Variants in HPSE2 observed in about 807,000 individuals in gnomAD.
HPSE2 encodes the protein inactive heparanase-2.
A neutral mutation model predicts 60.5 loss-of-function variants in HPSE2; 38 were observed. The ratio of observed to expected loss-of-function variants is 0.63; its 90% CI spans 0.48 to 0.82. The LOEUF is 0.82. Among genes scored for constraint, HPSE2 ranks in the 40% least tolerant of loss-of-function variants. The pLI is 0.00. For synonymous variants in HPSE2, 295 were observed against 293.2 expected, an observed-to-expected ratio of 1.01 and a Z score of -0.06; for missense variants, 713 against 740.4, an observed-to-expected ratio of 0.96 and a Z score of 0.43.
chr10:99,290,350 T>C, the HPSE2 span, among the ~76,000 whole-genome samples: 6 of 152,298 alleles, frequency 3.9e-5, no homozygotes, highest in Admixed American at 2.0e-4. Context: ...CCTCATACCT[T>C]GTAAGAATTG....
At chr10:98,667,085 A>C (rs1049841737) in intron 6 of HPSE2, among the ~76,000 whole-genome samples, 1 of 152,040 alleles carries the variant, frequency 6.6e-6, no homozygotes, top group Non-Finnish European at 1.5e-5. Context: ...CAAAGATGAC[A>C]TTAAAACCAA....
chr10:98,777,308 T>C (rs1376994958), intron 3 of HPSE2, among the ~76,000 whole-genome samples: 1 of 152,092 alleles, frequency 6.6e-6, no homozygotes, highest in Non-Finnish European at 1.5e-5. Flanking sequence ...TATATAGAAG[T>C]AGATAGGTAG....
chr10:98,815,583 AAAGG>A (rs1353371245), intron 3 of HPSE2, among the ~76,000 whole-genome samples: 1 of 152,184 alleles, frequency 6.6e-6, no homozygotes, highest in Admixed American at 6.5e-5. Flanking sequence ...TGGGAACCTG[AAAGG>A]ATGCAACCTA....
intron 2 of HPSE2, among the ~76,000 whole-genome samples, chr10:99,202,619 G>C (rs1848613012): frequency 6.6e-6 from 1 of 152,032 alleles, no homozygotes; most frequent in African/African-American, 2.4e-5. Context: ...TTAAATGGTG[G>C]TATTTGGAAA....
chr10:98,569,292 C>G (rs1944431915), intron 9 of HPSE2, among the ~76,000 whole-genome samples: 1 of 152,008 alleles, frequency 6.6e-6, no homozygotes, highest in African/African-American at 2.4e-5. Context: ...GACTCCTGAC[C>G]TCAGGTGATC....
chr10:98,738,927 A>T (rs1301926472), intron 4 of HPSE2, among the ~76,000 whole-genome samples: 2 of 152,208 alleles, frequency 1.3e-5, no homozygotes, highest in African/African-American at 4.8e-5. Flanking sequence ...TTCCTCAAGG[A>T]TCTAGAATTA....
intron 7 of HPSE2, among the ~76,000 whole-genome samples, chr10:98,634,747 TTAAATA>T (rs1297097155): frequency 6.6e-6 from 1 of 152,244 alleles, no homozygotes; most frequent in African/African-American, 2.4e-5. Context: ...TTGATCTTTA[TTAAATA>T]TAAACAGTCA....
intron 3 of HPSE2, among the ~76,000 whole-genome samples, chr10:98,780,342 A>G (rs1022308013): frequency 1.3e-5 from 2 of 152,200 alleles, no homozygotes; most frequent in African/African-American, 4.8e-5. Flanking sequence ...TTAAATAAAT[A>G]GCTAAATTTT....
rs569140938 is a variant in HPSE2 at position 98,813,782 on chromosome 10, C to T, written c.611-69726G>A. Among the ~76,000 whole-genome samples, 13 of 152,288 alleles carry T rather than the reference C, an allele frequency of 8.5e-5. No homozygotes were observed. The East Asian group carries it at 2.3e-3, about 27-fold the overall frequency. ...TTATGTTCATCATATCTTTAAATTGCACTCTTTCTTTCAATATGTTTTTGC... is the reference window on the plus strand; with the variant it reads ...TTATGTTCATCATATCTTTAAATTGTACTCTTTCTTTCAATATGTTTTTGC... On this transcript the variant is annotated intron_variant, in intron 3 of 11. Transcript: ENST00000370552.
chr10:99,178,590 T>A (rs1421544993), intron 2 of HPSE2, among the ~76,000 whole-genome samples: 3 of 152,114 alleles, frequency 2.0e-5, no homozygotes, highest in Non-Finnish European at 4.4e-5. Context: ...AATCCCTGAA[T>A]AGACTAATAA....
intron 3 of HPSE2, among the ~76,000 whole-genome samples, chr10:99,090,713 A>G (rs1437432159): frequency 1.3e-5 from 2 of 152,090 alleles, no homozygotes; most frequent in Non-Finnish European, 2.9e-5. Flanking sequence ...ATCATCTACC[A>G]TTATTTAATG....
chr10:99,159,718 T>A (rs1304910754), intron 2 of HPSE2, among the ~76,000 whole-genome samples: 1 of 152,044 alleles, frequency 6.6e-6, no homozygotes, highest in East Asian at 1.9e-4. Flanking sequence ...TAGACAAAAA[T>A]ATAAGAAAAA....
chr10:99,149,952 C>T (rs971823477), intron 2 of HPSE2, among the ~76,000 whole-genome samples: 21 of 151,950 alleles, frequency 1.4e-4, no homozygotes, highest in African/African-American at 4.8e-4. Flanking sequence ...TAGTTCTTCC[C>T]TCTTACAGAT....
rs61074165 is a variant in HPSE2, at chr10:99,173,943, CAAAAAAAAAA to C, written c.449-29554_449-29545del. 7.1e-3 allele frequency among the ~76,000 whole-genome samples: 714 copies of C among 99,872 alleles called. 4 individuals are homozygous for C. The highest frequency in any genetic ancestry group is 0.019 in the Middle Eastern group (4 of 214). The allele number at this position is 99,872 out of a possible 152,430, so 65.5% of individuals were successfully genotyped here. ...GAGCAACAAGAGCGAGACTCTGTCT[CAAAAAAAAAA>C]AAAAAAAAAAAAAAAAGAACTACAA... is the stretch of plus-strand genomic sequence containing the variant. On this transcript the variant is annotated intron_variant, in intron 2 of 11. Coordinates refer to ENST00000370552, the MANE Select transcript of HPSE2 (RefSeq NM_021828.5).
chr10:98,713,289 T>A (rs560178904), intron 5 of HPSE2, among the ~76,000 whole-genome samples: 1 of 152,144 alleles, frequency 6.6e-6, no homozygotes, highest in Non-Finnish European at 1.5e-5. Flanking sequence ...TTAAAGCATC[T>A]TTAGCAAGTG....
At chr10:98,990,437 G>A (rs1012358058) in intron 3 of HPSE2, among the ~76,000 whole-genome samples, 1 of 152,148 alleles carries the variant, frequency 6.6e-6, no homozygotes, top group Admixed American at 6.5e-5. Context: ...ACAGGAGGTG[G>A]AGCTCAGGCA....
intron 3 of HPSE2, among the ~76,000 whole-genome samples, chr10:98,939,646 C>T (rs1417265996): frequency 1.4e-5 from 2 of 143,278 alleles, no homozygotes; most frequent in Admixed American, 7.0e-5. Context: ...GATTTTAACA[C>T]CCCACTGTCA....
At chr10:98,696,280 C>T (rs116621350) in intron 5 of HPSE2, among the ~76,000 whole-genome samples, 3 of 123,026 alleles carry the variant, frequency 2.4e-5, no homozygotes, top group African/African-American at 8.5e-5. Context: ...CAGAGATGAT[C>T]AGAGGCTCCC....
intron 11 of HPSE2, among the ~76,000 whole-genome samples, chr10:98,474,795 T>C (rs1271787910): frequency 9.2e-5 from 14 of 152,086 alleles, no homozygotes; most frequent in Admixed American, 9.2e-4. Flanking sequence ...AAAGCAGAAA[T>C]ACTTTACATG....
Sources: allele counts gnomAD v4.1 joint callset (sites outside exome capture counted in the v4.1 genomes callset), GRCh38; gene constraint gnomAD v4.1.1; transcripts MANE v1.5; gene names NCBI Gene and HGNC (gene_info 2026-07-23, HGNC 2026-07-21).